Variants in LIN54 observed in about 807,000 individuals in gnomAD.
The protein encoded by LIN54 is lin-54 DREAM MuvB core complex component.
A neutral mutation model predicts 78.7 loss-of-function variants in LIN54; 9 were observed. The observed-to-expected ratio is 0.11, with a 90% confidence interval of 0.07 to 0.20. LIN54 has a LOEUF of 0.20. Ranked by LOEUF, LIN54 falls within the 10% of genes least tolerant of loss-of-function variation. The probability of loss-of-function intolerance (pLI) is 1.00; values close to 1 mark genes in which losing one functional copy is unlikely to be tolerated. For missense variants in LIN54, 573 were observed against 889.9 expected (o/e 0.64, Z 4.53); for synonymous variants, 269 against 318.4 (o/e 0.84, Z 1.65).
At chr4:82,945,720 C>T (rs931037983) in intron 5 of LIN54, among the ~76,000 whole-genome samples, 4 of 152,138 alleles carry the variant, frequency 2.6e-5, no homozygotes, top group Non-Finnish European at 4.4e-5. Flanking sequence ...TCTTGAACTC[C>T]TGACCTCAGG....
intron 4 of LIN54, among the ~76,000 whole-genome samples, chr4:82,950,358 A>T (rs1723757908): frequency 6.6e-6 from 1 of 152,202 alleles, no homozygotes; most frequent in African/African-American, 2.4e-5. Flanking sequence ...GCAACCACTT[A>T]TTAAACCACA....
At chr4:83,012,575 G>A (rs1729918823), upstream of LIN54, among the ~76,000 whole-genome samples, 1 of 152,056 alleles carries the variant, frequency 6.6e-6, no homozygotes, top group Non-Finnish European at 1.5e-5. Context: ...GGAAGAGACC[G>A]AGCCCCAAGG....
intron 4 of LIN54, among the ~76,000 whole-genome samples, chr4:82,964,802 G>C (rs1265165345): frequency 6.6e-6 from 1 of 152,128 alleles, no homozygotes; most frequent in Non-Finnish European, 1.5e-5. Flanking sequence ...GAGTTGGGTA[G>C]ATCACTTGAG....
intron 4 of LIN54, among the ~76,000 whole-genome samples, chr4:82,968,043 G>GTT (rs371267602): frequency 4.2e-5 from 6 of 144,572 alleles, no homozygotes; most frequent in Non-Finnish European, 3.0e-5. Context: ...TTTGTTTTTT[G>GTT]TTTTTTTTTT....
chr4:82,998,004 A>T (rs371401111), intron 1 of LIN54, among the ~76,000 whole-genome samples: 20 of 107,688 alleles, frequency 1.9e-4, no homozygotes, highest in South Asian at 6.0e-4. Context: ...CAAAAAAAAA[A>T]AATAATAATA....
At chr4:83,011,089 G>A (rs1257770116), upstream of LIN54, among the ~76,000 whole-genome samples, 1 of 152,194 alleles carries the variant, frequency 6.6e-6, no homozygotes, top group Non-Finnish European at 1.5e-5. Context: ...GGTGGCATAA[G>A]GACAATAAAG....
chr4:82,991,276 T>A (rs1259183594), intron 1 of LIN54, among the ~76,000 whole-genome samples: 1 of 152,166 alleles, frequency 6.6e-6, no homozygotes, highest in Non-Finnish European at 1.5e-5. Context: ...GTTAAATTTA[T>A]CCTTAAGTAT....
intron 11 of LIN54, among the ~76,000 whole-genome samples, chr4:82,934,056 A>G (rs1241608202): frequency 6.6e-6 from 1 of 152,228 alleles, no homozygotes; most frequent in Non-Finnish European, 1.5e-5. Flanking sequence ...AAAGACTAAA[A>G]AAGATTCCAA....
At chr4:82,987,345 T>C (rs549331265) in intron 1 of LIN54, among the ~76,000 whole-genome samples, 92 of 152,228 alleles carry the variant, frequency 6.0e-4, no homozygotes, top group African/African-American at 1.9e-3. Context: ...AAAATTATAC[T>C]CCCTTAAATG....
intron 4 of LIN54, among the ~76,000 whole-genome samples, chr4:82,954,902 T>C (rs1261847489): frequency 1.3e-5 from 2 of 152,160 alleles, no homozygotes. Flanking sequence ...ATACAACTCC[T>C]AGAAGATAAC....
At chr4:82,986,219 G>A (rs1224899004) in intron 1 of LIN54, among the ~76,000 whole-genome samples, 1 of 151,910 alleles carries the variant, frequency 6.6e-6, no homozygotes, top group Admixed American at 6.6e-5. Context: ...AGGTTCAAGC[G>A]ATTCTCCTGC....
intron 1 of LIN54, among the ~76,000 whole-genome samples, chr4:83,006,470 AAAAAAG>A (rs1729379293): frequency 1.3e-5 from 2 of 151,754 alleles, no homozygotes; most frequent in Admixed American, 1.3e-4. Flanking sequence ...AAAAGAAAAA[AAAAAAG>A]AAAAACTATT....
rs909521328 is a variant in LIN54, at chr4:83,010,700, G to A, written c.-249C>T. On this transcript the variant is annotated 5_prime_UTR_variant, in exon 1 of 13. Coordinates refer to ENST00000340417, the MANE Select transcript of LIN54 (RefSeq NM_194282.4). ...GACGTCGCCGTCGCCGCCGCCTCTG[G>A]TATGTCAGGGGCCGGGATTGTATTT... The A allele has an allele frequency of 1.6e-6, 2 of 1,231,750 alleles. No individual in the cohort carries two copies. Among genetic ancestry groups the A allele is most frequent in the Non-Finnish European group, 2.0e-6 (2 of 987,852 alleles). 76.3% of individuals were successfully genotyped at this position (1,231,750 alleles called of 1,614,324 possible). A position where few individuals can be genotyped will look rare whatever the true frequency, so the allele number is the denominator to read the frequency against.
In LIN54 at chr4:82,927,366, TA is replaced by T. The variant is rs1488197214; in HGVS notation, c.*735del. On this transcript the variant is annotated 3_prime_UTR_variant, in exon 13 of 13. Coordinates refer to ENST00000340417, the MANE Select transcript of LIN54 (RefSeq NM_194282.4). ...GTACCCAGTAATCACTTTGACAATTTATTACTTCAAATACATACCACCTCTT... is the reference window on the plus strand; with the variant it reads ...GTACCCAGTAATCACTTTGACAATTTTTACTTCAAATACATACCACCTCTT... 6.6e-6 allele frequency: 1 copy of T among 152,184 alleles called. No homozygotes were observed. Among genetic ancestry groups the T allele is most frequent in the Non-Finnish European group, 1.5e-5 (1 of 68,034 alleles). The allele number at this position is 152,184 out of a possible 1,614,324, so 9.4% of individuals were successfully genotyped here. A position where few individuals can be genotyped will look rare whatever the true frequency, so the allele number is the denominator to read the frequency against.
intron 4 of LIN54, among the ~76,000 whole-genome samples, chr4:82,953,870 G>A (rs555144951): frequency 6.6e-6 from 1 of 152,164 alleles, no homozygotes; most frequent in African/African-American, 2.4e-5. Context: ...AGCCTGGGAG[G>A]TGAAGGCTGC....
chr4:82,985,360 C>T (rs536977489), intron 1 of LIN54, among the ~76,000 whole-genome samples: 6 of 152,270 alleles, frequency 3.9e-5, no homozygotes, highest in African/African-American at 1.4e-4. Context: ...AGTGTACTAT[C>T]CCATTTTAAA....
chr4:82,928,236 C>T lies in LIN54; in HGVS notation c.2116G>A (p.Glu706Lys), dbSNP rs752019647. 6.2e-7 allele frequency: 1 copy of T among 1,614,176 alleles called. No individual in the cohort carries two copies. Among genetic ancestry groups the T allele is most frequent in the Non-Finnish European group, 8.5e-7 (1 of 1,179,964 alleles). The change falls in exon 13 of 13, where the codon GAG (glutamate) becomes AAG (lysine). Residue 706 changes from glutamate (E) to lysine (K), a missense_variant. By Grantham distance (56) the Glu-to-Lys change is moderately conservative (BLOSUM62 1). This residue lies in a region of LIN54 where 82 missense variants were observed against 140.8 expected (regional missense o/e 0.58). Transcript: ENST00000340417. ...GATTTTCCCTTCTTGTCTGCCTGCT[C>T]TGCCTGGGCAAGGAGGCAATTACAT... Reference protein sequence around the residue: ...ATCNCLLAQAEQADKKGKSKA... With the variant: ...ATCNCLLAQAKQADKKGKSKA...
intron 4 of LIN54, among the ~76,000 whole-genome samples, chr4:82,956,531 C>T (rs1724346933): frequency 6.6e-6 from 1 of 151,994 alleles, no homozygotes; most frequent in South Asian, 2.1e-4. Context: ...GGGAGAATCA[C>T]CTGAGCCTGG....
At chr4:82,930,901 G>T in intron 12 of LIN54, 42 bp downstream of exon 12, 1 of 1,573,114 alleles carries the variant, frequency 6.4e-7, no homozygotes, top group Non-Finnish European at 8.7e-7. Flanking sequence ...TTTACCAAAA[G>T]TATTTGGGAA....
Sources: gnomAD v4.1 joint callset for allele counts (sites outside exome capture counted in the v4.1 genomes callset) on GRCh38, gnomAD v4.1.1 for gene constraint, gnomAD v4.1.1 regional missense constraint, MANE v1.5 for transcripts, NCBI Gene and HGNC (gene_info 2026-07-23, HGNC 2026-07-21) for gene names.